The following PCDHGA1 variants were observed in gnomAD, a reference collection of about 807,000 sequenced individuals.
The protein encoded by PCDHGA1 is protocadherin gamma subfamily A, 1.
A neutral mutation model predicts 58.0 loss-of-function variants in PCDHGA1; 32 were observed. The ratio of observed to expected loss-of-function variants is 0.55; its 90% CI spans 0.42 to 0.74. PCDHGA1 has a LOEUF of 0.74. PCDHGA1 is among the 30% of genes least tolerant of loss of function. The probability of loss-of-function intolerance (pLI) is 0.00; values close to 1 mark genes in which losing one functional copy is unlikely to be tolerated. For synonymous variants in PCDHGA1, 498 were observed against 501.1 expected (o/e 0.99, Z 0.08); for missense variants, 1,205 against 1,182.3 (o/e 1.02, Z -0.28).
At chr5:141,416,132 A>C in intron 1 of PCDHGA1, 1 of 154,082 alleles carries the variant, frequency 6.5e-6, no homozygotes, top group Non-Finnish European at 1.4e-5. Context: ...ATATTTTTCA[A>C]TCTATACTTT....
intron 1 of PCDHGA1, chr5:141,339,775 C>T (rs1416395779): frequency 6.2e-7 from 1 of 1,614,142 alleles, no homozygotes; most frequent in Non-Finnish European, 8.5e-7. Context: ...CCGCCACTGA[C>T]GCAGATGAGG....
chr5:141,361,797 C>T, intron 1 of PCDHGA1: 3 of 1,613,222 alleles, frequency 1.9e-6, no homozygotes, highest in Non-Finnish European at 2.5e-6. Flanking sequence ...TAGTGGGCGA[C>T]CTCAATGACA....
chr5:141,422,165 A>G (rs771382434), intron 1 of PCDHGA1: 3 of 1,569,306 alleles, frequency 1.9e-6, no homozygotes, highest in Admixed American at 4.0e-5. Flanking sequence ...TTTGAAAAAT[A>G]TAGATTCTAT....
intron 1 of PCDHGA1, chr5:141,362,561 G>A (rs1416019755): frequency 1.2e-6 from 2 of 1,608,622 alleles, no homozygotes; most frequent in Middle Eastern, 1.7e-4. Context: ...TTGAAGGTGA[G>A]CTTTAATTAA....
chr5:141,419,067 A>C (rs2096321794), intron 1 of PCDHGA1: 2 of 1,613,956 alleles, frequency 1.2e-6, no homozygotes, highest in African/African-American at 1.3e-5. Flanking sequence ...AATTACTACA[A>C]GCTAGTAACA....
rs529761543 is a variant in PCDHGA1 at position 141,332,692 on chromosome 5, G to C, written c.2008G>C (p.Asp670His). 19 of 1,613,848 alleles carry C rather than the reference G, an allele frequency of 1.2e-5. No individual in the cohort carries two copies. The African/African-American group carries it at 2.4e-4, about 20-fold the overall frequency. The change falls in exon 1 of 4, where the codon GAC becomes CAC. Residue 670 changes from aspartate to histidine, a missense_variant. Coordinates refer to ENST00000517417, the MANE Select transcript of PCDHGA1 (RefSeq NM_018912.3). This position sits in a 1 kb window ranked among gnomAD's most constrained non-coding sequence, Gnocchi z 4.6. ...CGTGGCCGTGGCCGACAGGATCTCC[G>C]ACATCCTGGCCGACCTGGGCAGCCT... ...LTVAVADRIS[D>H]ILADLGSLEP... is the part of the protein sequence containing the mutation.
At chr5:141,394,705 C>G (rs1245348426) in intron 1 of PCDHGA1, 9 of 1,613,256 alleles carry the variant, frequency 5.6e-6, no homozygotes, top group Non-Finnish European at 7.6e-6. Flanking sequence ...ACGGCGCGAG[C>G]CCTGCTGGAC....
At chr5:141,503,620 A>C (rs1475731896) in intron 2 of PCDHGA1, among the ~76,000 whole-genome samples, 1 of 152,026 alleles carries the variant, frequency 6.6e-6, no homozygotes, top group East Asian at 1.9e-4. Flanking sequence ...AAAAAGAAAA[A>C]AGAAAAGAAA....
At chr5:141,442,629 A>G (rs959326665) in intron 1 of PCDHGA1, among the ~76,000 whole-genome samples, 2 of 152,248 alleles carry the variant, frequency 1.3e-5, no homozygotes, top group African/African-American at 4.8e-5. Context: ...TTCTAGCAGC[A>G]AGACCAAAGG....
intron 1 of PCDHGA1, chr5:141,383,629 C>T (rs769030453): frequency 6.2e-7 from 1 of 1,613,960 alleles, no homozygotes; most frequent in South Asian, 1.1e-5. Context: ...TGTCTTCTCT[C>T]TGCCTCAGTA....
intron 1 of PCDHGA1, chr5:141,339,552 TGG>T: frequency 1.2e-6 from 2 of 1,614,164 alleles, no homozygotes; most frequent in Admixed American, 3.3e-5. Context: ...TACCCAGAAC[TGG>T]TGCTGGAGCG....
intron 1 of PCDHGA1, chr5:141,372,213 C>T (rs999187008): frequency 1.2e-6 from 2 of 1,613,592 alleles, no homozygotes; most frequent in Non-Finnish European, 1.7e-6. Context: ...GCTGTCCTAC[C>T]ACATTGTGCA....
chr5:141,414,148 G>A, intron 1 of PCDHGA1: 1 of 1,598,900 alleles, frequency 6.3e-7, no homozygotes, highest in Non-Finnish European at 8.5e-7. Flanking sequence ...AGAAATACAA[G>A]CAGAAGATGG....
rs748105196 is a variant in PCDHGA1 at position 141,486,849 on chromosome 5, A to G, written c.2422-7958A>G. ...GTTCGTCTATTTGTGCTGGACCTCA[A>G]TGACAATGCTCCAGCTGTGCTCCGT... is the stretch of plus-strand genomic sequence containing the variant. On this transcript the variant is annotated intron_variant, in intron 1 of 3. Coordinates refer to ENST00000517417, the MANE Select transcript of PCDHGA1 (RefSeq NM_018912.3). The surrounding 1 kb of genome is among the most constrained non-coding windows in gnomAD (Gnocchi z 5.0). 4.3e-6 allele frequency: 7 copies of G among 1,614,110 alleles called. No individual in the cohort carries two copies. The highest frequency in any genetic ancestry group is 5.1e-6 in the Non-Finnish European group (6 of 1,180,036).
intron 1 of PCDHGA1, among the ~76,000 whole-genome samples, chr5:141,459,534 T>G (rs980917458): frequency 1.3e-5 from 2 of 151,990 alleles, no homozygotes; most frequent in African/African-American, 2.4e-5. Flanking sequence ...TGTAGGCATA[T>G]TTTTTTTATT....
In PCDHGA1 at chr5:141,483,413, G is replaced by A. The variant is rs112015754; in HGVS notation, c.2422-11394G>A. 5.9e-4 allele frequency among the ~76,000 whole-genome samples: 90 copies of A among 152,300 alleles called. 1 individual carries two copies. Among genetic ancestry groups the A allele is most frequent in the African/African-American group, 1.7e-3 (69 of 41,584 alleles). ...AAATGCTTGAACCAGCACAGTGGCA[G>A]TACAGATGGAGGGAGCTGACTACAA... On this transcript the variant is annotated intron_variant, in intron 1 of 3. Transcript: ENST00000517417.
chr5:141,407,478 A>G (rs1230151085), intron 1 of PCDHGA1, among the ~76,000 whole-genome samples: 1 of 144,006 alleles, frequency 6.9e-6, no homozygotes, highest in Non-Finnish European at 1.6e-5. Flanking sequence ...TGAATGGAGT[A>G]TGGAAAATCT....
intron 1 of PCDHGA1, among the ~76,000 whole-genome samples, chr5:141,457,904 T>C (rs960822555): frequency 6.0e-5 from 9 of 150,288 alleles, no homozygotes; most frequent in African/African-American, 2.2e-4. Context: ...GTAGACAAGG[T>C]GTGAGGCCAG....
chr5:141,371,268 T>C (rs757493247), intron 1 of PCDHGA1: 1 of 1,614,026 alleles, frequency 6.2e-7, no homozygotes, highest in Non-Finnish European at 8.5e-7. Flanking sequence ...GAGACAACTG[T>C]TCAAGCTGGA....
Sources: gnomAD v4.1 joint callset for allele counts (sites outside exome capture counted in the v4.1 genomes callset) on GRCh38, gnomAD v4.1.1 for gene constraint, Gnocchi (gnomAD v3.1) non-coding constraint, MANE v1.5 for transcripts, NCBI Gene and HGNC (gene_info 2026-07-23, HGNC 2026-07-21) for gene names.